Variants in ARHGAP28 observed in about 807,000 individuals in gnomAD.
ARHGAP28 encodes Rho GTPase activating protein 28, also known as rho GTPase-activating protein 28.
ARHGAP28 carries 56 observed loss-of-function variants against 90.7 expected under a neutral mutation model. That is an observed-to-expected ratio of 0.62 (90% confidence interval 0.50 to 0.77). The LOEUF is 0.77. Ranked by LOEUF, ARHGAP28 falls within the 30% of genes least tolerant of loss-of-function variation. The pLI is 0.00. For missense variants in ARHGAP28, 869 were observed against 900.9 expected, an observed-to-expected ratio of 0.96 and a Z score of 0.45; for synonymous variants, 308 against 323.3, an observed-to-expected ratio of 0.95 and a Z score of 0.51.
chr18:6,854,903 G>A (rs1166639801), intron 4 of ARHGAP28, among the ~76,000 whole-genome samples: 1 of 152,220 alleles, frequency 6.6e-6, no homozygotes, highest in African/African-American at 2.4e-5. Context: ...GTGGAGCAAA[G>A]TTGTGGCCCA....
At chr18:6,807,346 C>T (rs1399756447) in intron 1 of ARHGAP28, among the ~76,000 whole-genome samples, 1 of 152,062 alleles carries the variant, frequency 6.6e-6, no homozygotes, top group Admixed American at 6.6e-5. Flanking sequence ...TATTCTCTTG[C>T]TTATTTGCAA....
chr18:6,788,077 T>C (rs991933715), intron 1 of ARHGAP28, among the ~76,000 whole-genome samples: 7 of 152,174 alleles, frequency 4.6e-5, no homozygotes, highest in Admixed American at 2.6e-4. Context: ...CCAAATCTCA[T>C]GTTGAATTGT....
At chr18:6,761,600 T>C (rs1292009644) in intron 1 of ARHGAP28, among the ~76,000 whole-genome samples, 1 of 152,160 alleles carries the variant, frequency 6.6e-6, no homozygotes, top group Non-Finnish European at 1.5e-5. Context: ...TGTTAACAGA[T>C]GTGGATGAGG....
At chr18:6,827,764 G>C (rs562473770) in intron 2 of ARHGAP28, among the ~76,000 whole-genome samples, 1 of 150,112 alleles carries the variant, frequency 6.7e-6, no homozygotes, top group Non-Finnish European at 1.5e-5. Context: ...GTTGCCAGGC[G>C]GAGGGTCTCC....
At chr18:6,882,500 T>G in intron 11 of ARHGAP28, 1 of 429,974 alleles carries the variant, frequency 2.3e-6, no homozygotes, top group Non-Finnish European at 4.0e-6. Flanking sequence ...TTTATAATCA[T>G]TAAAAGGCAG....
At chr18:6,875,035 T>A (rs1600274088) in intron 9 of ARHGAP28, 2 of 152,330 alleles carry the variant, frequency 1.3e-5, no homozygotes, top group East Asian at 3.9e-4. Context: ...TTCATTGAGT[T>A]GAAACCAGCA....
Position 6,887,188 on chromosome 18 carries a change from C to T in ARHGAP28, c.1485C>T (p.Ala495=). The T allele has an allele frequency of 6.2e-7, 1 of 1,614,164 alleles. No individual in the cohort carries two copies. The highest frequency in any genetic ancestry group is 1.1e-5 in the South Asian group (1 of 91,072). Residue 495 remains alanine (A), a synonymous_variant, in exon 12 of 18, where the codon GCC becomes GCT. Coordinates refer to ENST00000383472, the MANE Select transcript of ARHGAP28 (RefSeq NM_001366230.1). Reference sequence around the variant, plus strand: ...CTCACGTCAAAGTACAGTTTCAAGCCTTACACCTCATGGTCATGGCGCTGC... The same window carrying T: ...CTCACGTCAAAGTACAGTTTCAAGCTTTACACCTCATGGTCATGGCGCTGC... ...RGPHVKVQFQ[A]LHLMVMALPD...
At chr18:6,895,422 G>GC (rs1439763835) in intron 15 of ARHGAP28, among the ~76,000 whole-genome samples, 1 of 152,236 alleles carries the variant, frequency 6.6e-6, no homozygotes, top group Admixed American at 6.5e-5. Flanking sequence ...TACCACAAAT[G>GC]AGCTGGCATA....
chr18:6,854,836 T>A (rs538866855), intron 4 of ARHGAP28, among the ~76,000 whole-genome samples: 252 of 152,196 alleles, frequency 1.7e-3, no homozygotes, highest in South Asian at 5.4e-3. Context: ...TCCCATAGGC[T>A]TGGAAGTGCC....
At chr18:6,839,334 C>T (rs190998702) in intron 3 of ARHGAP28, among the ~76,000 whole-genome samples, 23 of 149,044 alleles carry the variant, frequency 1.5e-4, no homozygotes, top group Non-Finnish European at 2.7e-4. Flanking sequence ...CGCTCTGTCG[C>T]CCAGGCTGGA....
At chr18:6,790,118 C>T (rs2056396578) in intron 1 of ARHGAP28, 2 of 152,174 alleles carry the variant, frequency 1.3e-5, no homozygotes, top group Admixed American at 6.5e-5. Flanking sequence ...GGATTGCAGG[C>T]GTGGGCCACC....
chr18:6,873,652 T>C (rs762116327), intron 8 of ARHGAP28, 32 bp from the exon 9 acceptor site: 2 of 1,607,844 alleles, frequency 1.2e-6, no homozygotes, highest in Non-Finnish European at 1.7e-6. Flanking sequence ...TAATTCTTTT[T>C]TTTTTTCCCC....
chr18:6,882,064 C>T lies in ARHGAP28; in HGVS notation c.1291-73C>T. The T allele has an allele frequency of 9.9e-6, 14 of 1,412,730 alleles. No individual in the cohort carries two copies. The South Asian group carries it at 1.7e-4, about 18-fold the overall frequency. 87.5% of individuals were successfully genotyped at this position (1,412,730 alleles called of 1,614,324 possible). A position where few individuals can be genotyped will look rare whatever the true frequency, so the allele number is the denominator to read the frequency against. ...TTTACAAAAACAGTTTATATAAGAA[C>T]AGTTTTCGAAGGGGAAAATGGGGTC... On this transcript the variant is annotated intron_variant, in intron 10 of 17. Transcript: ENST00000383472.
At chr18:6,814,003 A>G (rs939648913) in intron 1 of ARHGAP28, among the ~76,000 whole-genome samples, 1 of 152,124 alleles carries the variant, frequency 6.6e-6, no homozygotes, top group African/African-American at 2.4e-5. Flanking sequence ...TCTCAAAGTC[A>G]GCCAATCACA....
intron 10 of ARHGAP28, among the ~76,000 whole-genome samples, chr18:6,881,814 A>G (rs140004442): frequency 2.0e-4 from 30 of 152,354 alleles, no homozygotes; most frequent in African/African-American, 7.2e-4. Flanking sequence ...CTAACAGTGT[A>G]TTTATCATGT....
intron 2 of ARHGAP28, among the ~76,000 whole-genome samples, chr18:6,835,885 C>T (rs1209619186): frequency 1.3e-5 from 2 of 152,110 alleles, no homozygotes; most frequent in African/African-American, 4.8e-5. Flanking sequence ...TCATAGGCAC[C>T]TAATCCTTTT....
intron 1 of ARHGAP28, among the ~76,000 whole-genome samples, chr18:6,734,787 A>G (rs2055911998): frequency 6.6e-6 from 1 of 152,210 alleles, no homozygotes; most frequent in Non-Finnish European, 1.5e-5. Context: ...GATACTAGGT[A>G]TACTTTCTTG....
At chr18:6,797,787 G>A (rs1416864479) in intron 1 of ARHGAP28, among the ~76,000 whole-genome samples, 2 of 151,614 alleles carry the variant, frequency 1.3e-5, no homozygotes, top group Non-Finnish European at 2.9e-5. Flanking sequence ...TCAGCCTCCT[G>A]AATAGCTGTG....
intron 1 of ARHGAP28, among the ~76,000 whole-genome samples, chr18:6,766,271 A>G (rs61056900): frequency 0.03 from 4,545 of 152,250 alleles, 199 homozygotes; most frequent in African/African-American, 0.097. Context: ...AATATTTTGA[A>G]GCACTGTGTC....
Sources: allele counts gnomAD v4.1 joint callset (sites outside exome capture counted in the v4.1 genomes callset), GRCh38; gene constraint gnomAD v4.1.1; transcripts MANE v1.5; gene names NCBI Gene and HGNC (gene_info 2026-07-23, HGNC 2026-07-21).